SNAP25: variants seen among roughly 807,000 people sequenced by gnomAD.
SNAP25 encodes synaptosomal-associated protein 25.
A neutral mutation model predicts 28.7 loss-of-function variants in SNAP25; 3 were observed. That is an observed-to-expected ratio of 0.10 (90% confidence interval 0.05 to 0.27). The LOEUF (loss-of-function observed/expected upper bound fraction) is 0.27. Among genes scored for constraint, SNAP25 ranks in the 10% least tolerant of loss-of-function variants. SNAP25 has a pLI of 1.00. For synonymous variants in SNAP25, 61 were observed against 88.1 expected (o/e 0.69, Z 1.72); for missense variants, 117 against 278.7 (o/e 0.42, Z 4.13).
intron 3 of SNAP25, among the ~76,000 whole-genome samples, chr20:10,282,733 G>A (rs1184179231): frequency 2.0e-5 from 3 of 152,180 alleles, no homozygotes; most frequent in African/African-American, 7.2e-5. Context: ...TGCTCTCCGA[G>A]ATGCCTCTGC....
At chr20:10,263,045 G>A (rs1434987759) in intron 1 of SNAP25, among the ~76,000 whole-genome samples, 2 of 104,236 alleles carry the variant, frequency 1.9e-5, no homozygotes, top group African/African-American at 7.2e-5. Flanking sequence ...TTGAGACGGA[G>A]TCTCGCTCTG....
At chr20:10,233,278 T>C (rs2062857977) in intron 1 of SNAP25, among the ~76,000 whole-genome samples, 1 of 149,256 alleles carries the variant, frequency 6.7e-6, no homozygotes, top group East Asian at 1.9e-4. Flanking sequence ...CACAGGATAT[T>C]AAACTGGGTG....
intron 7 of SNAP25, among the ~76,000 whole-genome samples, chr20:10,301,047 A>G (rs1200822642): frequency 6.6e-6 from 1 of 152,328 alleles, no homozygotes; most frequent in African/African-American, 2.4e-5. Flanking sequence ...ATGCAGCTAG[A>G]TAATGCATCA....
intron 4 of SNAP25, among the ~76,000 whole-genome samples, chr20:10,286,668 C>T (rs746601021): frequency 2.6e-5 from 4 of 151,912 alleles, no homozygotes; most frequent in Non-Finnish European, 4.4e-5. Flanking sequence ...TAAAGGCTTT[C>T]GGTTTTACAT....
At chr20:10,278,492 G>T (rs536545798) in intron 3 of SNAP25, among the ~76,000 whole-genome samples, 82 of 152,328 alleles carry the variant, frequency 5.4e-4, no homozygotes, top group African/African-American at 1.9e-3. Flanking sequence ...CCCAATGGGA[G>T]AGATGAAGTG....
chr20:10,221,823 G>T (rs980863994), intron 1 of SNAP25, among the ~76,000 whole-genome samples: 2 of 152,384 alleles, frequency 1.3e-5, no homozygotes, highest in African/African-American at 4.8e-5. Context: ...TAGAAGCTGC[G>T]TAAGCAGTCA....
At chr20:10,256,474 G>GA (rs2063320776) in intron 1 of SNAP25, among the ~76,000 whole-genome samples, 4 of 151,642 alleles carry the variant, frequency 2.6e-5, no homozygotes, top group Non-Finnish European at 4.4e-5. Context: ...GAGAAAACTA[G>GA]AAAAAAATGA....
chr20:10,256,980 T>C (rs568690307), intron 1 of SNAP25, among the ~76,000 whole-genome samples: 1 of 152,364 alleles, frequency 6.6e-6, no homozygotes, highest in African/African-American at 2.4e-5. Context: ...TTTATGTATA[T>C]GCAGGCATAC....
At chr20:10,257,667 C>T (rs1455266700) in intron 1 of SNAP25, among the ~76,000 whole-genome samples, 4 of 147,562 alleles carry the variant, frequency 2.7e-5, no homozygotes, top group South Asian at 2.1e-4. Flanking sequence ...GCCGAGATTG[C>T]GCCATTGCAC....
At chr20:10,249,443 G>A (rs117798894) in intron 1 of SNAP25, among the ~76,000 whole-genome samples, 2,226 of 152,234 alleles carry the variant, frequency 0.015, 56 homozygotes, top group African/African-American at 0.047. Flanking sequence ...AGCTATTGAC[G>A]GGAACCTGTT....
intron 1 of SNAP25, among the ~76,000 whole-genome samples, chr20:10,248,098 A>G (rs2063160662): frequency 6.6e-6 from 1 of 152,236 alleles, no homozygotes; most frequent in South Asian, 2.1e-4. Flanking sequence ...CAATCTAATC[A>G]TGTTGAGCCC....
chr20:10,305,120 T>A (rs2064324663), intron 7 of SNAP25, among the ~76,000 whole-genome samples: 1 of 152,214 alleles, frequency 6.6e-6, no homozygotes, highest in Admixed American at 6.5e-5. Context: ...AGTATCTACA[T>A]ATATTTTATC....
chr20:10,265,913 A>G (rs1378194151), intron 1 of SNAP25, among the ~76,000 whole-genome samples: 1 of 152,174 alleles, frequency 6.6e-6, no homozygotes, highest in African/African-American at 2.4e-5. Flanking sequence ...ACTCCTAACA[A>G]GCTCCCTGGT....
chr20:10,251,830 A>G (rs991800607), intron 1 of SNAP25, among the ~76,000 whole-genome samples: 1 of 152,178 alleles, frequency 6.6e-6, no homozygotes, highest in Non-Finnish European at 1.5e-5. Context: ...TAGAAAGTGA[A>G]TTTATGGAAA....
intron 3 of SNAP25, among the ~76,000 whole-genome samples, chr20:10,283,221 C>T (rs928919243): frequency 2.0e-5 from 3 of 152,250 alleles, no homozygotes; most frequent in Admixed American, 2.0e-4. Flanking sequence ...ACACTCCATT[C>T]TAGCACATTC....
At chr20:10,222,260 G>C (rs1488892969) in intron 1 of SNAP25, among the ~76,000 whole-genome samples, 2 of 152,210 alleles carry the variant, frequency 1.3e-5, no homozygotes, top group East Asian at 1.9e-4. Flanking sequence ...TAAAACATTA[G>C]AAGACAAATT....
chr20:10,296,626 A>C (rs906954654), intron 5 of SNAP25: 2 of 356,474 alleles, frequency 5.6e-6, no homozygotes, highest in Non-Finnish European at 1.0e-5. Flanking sequence ...AATGTCCTCC[A>C]GCTACCTTAA....
chr20:10,246,815 C>G (rs1038059894), intron 1 of SNAP25, among the ~76,000 whole-genome samples: 1 of 152,156 alleles, frequency 6.6e-6, no homozygotes, highest in African/African-American at 2.4e-5. Context: ...TGTTAGGGCT[C>G]ACATCGTTGG....
intron 4 of SNAP25, among the ~76,000 whole-genome samples, chr20:10,292,428 A>T (rs941179722): frequency 6.6e-6 from 1 of 152,244 alleles, no homozygotes; most frequent in Non-Finnish European, 1.5e-5. Context: ...TCTCCAAAGA[A>T]GAAAATGGAT....
Sources: gnomAD v4.1 joint callset for allele counts (sites outside exome capture counted in the v4.1 genomes callset) on GRCh38, gnomAD v4.1.1 for gene constraint, MANE v1.5 for transcripts, NCBI Gene and HGNC (gene_info 2026-07-23, HGNC 2026-07-21) for gene names.